Variants in RAB3GAP1 observed in about 807,000 individuals in gnomAD.
RAB3GAP1 encodes rab3 GTPase-activating protein catalytic subunit.
Under a neutral mutation model 130.7 loss-of-function variants are expected in RAB3GAP1, and 86 were observed. The ratio of observed to expected loss-of-function variants is 0.66; its 90% CI spans 0.55 to 0.79. The LOEUF is 0.79. RAB3GAP1 is among the 30% of genes least tolerant of loss of function. RAB3GAP1 has a pLI of 0.00. For missense variants in RAB3GAP1, 1,029 were observed against 1,169.4 expected, an observed-to-expected ratio of 0.88 and a Z score of 1.75; for synonymous variants, 367 against 401.7, an observed-to-expected ratio of 0.91 and a Z score of 1.03.
At chr2:135,155,557 G>A (rs1692287074) in intron 19 of RAB3GAP1, among the ~76,000 whole-genome samples, 1 of 152,104 alleles carries the variant, frequency 6.6e-6, no homozygotes, top group Admixed American at 6.5e-5. Context: ...TACTCACATA[G>A]ACCCAGATGG....
chr2:135,129,974 A>C (rs767565040), intron 11 of RAB3GAP1, 21 bp from the exon 12 acceptor site: 43 of 1,545,862 alleles, frequency 2.8e-5, no homozygotes, highest in Non-Finnish European at 3.3e-5. Context: ...AGTGTCAAAA[A>C]TAACTTTTTT....
chr2:135,103,612 T>C (rs1690513446), intron 5 of RAB3GAP1, among the ~76,000 whole-genome samples: 1 of 152,208 alleles, frequency 6.6e-6, no homozygotes, highest in Non-Finnish European at 1.5e-5. Context: ...TAGCTGTTTC[T>C]GTCACCTCCC....
intron 2 of RAB3GAP1, among the ~76,000 whole-genome samples, chr2:135,056,197 T>G (rs956922718): frequency 5.3e-5 from 8 of 151,806 alleles, no homozygotes; most frequent in Non-Finnish European, 2.9e-5. Context: ...TATTTCTTTT[T>G]CTTTTTCTTT....
chr2:135,092,483 C>T (rs1212799975), intron 4 of RAB3GAP1, among the ~76,000 whole-genome samples: 3 of 152,182 alleles, frequency 2.0e-5, no homozygotes, highest in Non-Finnish European at 2.9e-5. Flanking sequence ...GTTGTCCAGG[C>T]TGTAGGGCAA....
chr2:135,088,475 G>A (rs1222043703), intron 3 of RAB3GAP1, among the ~76,000 whole-genome samples: 1 of 151,784 alleles, frequency 6.6e-6, no homozygotes, highest in Non-Finnish European at 1.5e-5. Context: ...GATGACTTGA[G>A]GTCAGGAGTT....
At chr2:135,134,077 T>C (rs1417448422) in intron 15 of RAB3GAP1, 44 bp downstream of exon 15, 2 of 1,606,562 alleles carry the variant, frequency 1.2e-6, no homozygotes, top group African/African-American at 2.7e-5. Flanking sequence ...ATTTTGTTTG[T>C]TAGCAGACAT....
chr2:135,119,253 C>T (rs1691123151), intron 7 of RAB3GAP1, among the ~76,000 whole-genome samples: 1 of 152,004 alleles, frequency 6.6e-6, no homozygotes, highest in Non-Finnish European at 1.5e-5. Flanking sequence ...AGACTACAGG[C>T]GCGCACCACT....
Position 135,091,032 on chromosome 2 carries a change from C to T in RAB3GAP1, c.185C>T (p.Ser62Leu). Reference sequence around the variant, plus strand: ...ACTTCTGGCACATGGGAAGAGAAATCAGATGAAATTTCCTTTGCTGACTTC... The same window carrying T: ...ACTTCTGGCACATGGGAAGAGAAATTAGATGAAATTTCCTTTGCTGACTTC... ...IFTSGTWEEK[S>L]DEISFADFKF... The change falls in exon 4 of 24, where the codon TCA becomes TTA. Residue 62 changes from serine to leucine, a missense_variant. Physicochemically the swap from Ser to Leu is moderately radical, Grantham distance 145. Coordinates refer to ENST00000264158, the MANE Select transcript of RAB3GAP1 (RefSeq NM_012233.3). The T allele has an allele frequency of 1.2e-6, 2 of 1,612,416 alleles. No individual in the cohort carries two copies. The highest frequency in any genetic ancestry group is 1.7e-6 in the Non-Finnish European group (2 of 1,178,722).
At chr2:135,164,791 A>C in intron 23 of RAB3GAP1, 95 bp downstream of exon 23, 26 of 924,046 alleles carry the variant, frequency 2.8e-5, no homozygotes, top group Non-Finnish European at 4.1e-5. Flanking sequence ...GATCACACTC[A>C]TGTCACCTGA....
At chr2:135,095,389 G>T (rs1374360902) in intron 5 of RAB3GAP1, among the ~76,000 whole-genome samples, 1 of 152,200 alleles carries the variant, frequency 6.6e-6, no homozygotes, top group African/African-American at 2.4e-5. Flanking sequence ...AGGCCTGCTG[G>T]TTCATCTTTT....
chr2:135,086,572 AT>A (rs1052887200), intron 3 of RAB3GAP1, among the ~76,000 whole-genome samples: 13 of 124,360 alleles, frequency 1.0e-4, no homozygotes, highest in South Asian at 4.9e-4. Flanking sequence ...TGGATTGTTC[AT>A]TTTTTTTATT....
intron 2 of RAB3GAP1, among the ~76,000 whole-genome samples, chr2:135,054,788 A>G (rs944595583): frequency 5.3e-5 from 8 of 152,240 alleles, no homozygotes; most frequent in African/African-American, 1.4e-4. Context: ...TAACACCGTT[A>G]TAAGAACTAT....
In RAB3GAP1 at chr2:135,164,770, C is replaced by T. The variant is rs560055224; in HGVS notation, c.2709+74C>T. ...CTTGGGAAGAGGCTGTTTTAGTTCC[C>T]ACACGTGGCTGATCACACTCATGTC... On this transcript the variant is annotated intron_variant, in intron 23 of 23. Transcript: ENST00000264158. 1.3e-4 allele frequency: 160 copies of T among 1,203,462 alleles called. No homozygotes were observed. In the African/African-American group the frequency reaches 2.2e-3, roughly 17 times the overall value. 74.5% of individuals were successfully genotyped at this position (1,203,462 alleles called of 1,614,324 possible).
intron 17 of RAB3GAP1, among the ~76,000 whole-genome samples, chr2:135,145,709 A>G (rs2104969422): frequency 6.6e-6 from 1 of 152,338 alleles, no homozygotes; most frequent in East Asian, 1.9e-4. Context: ...CTAATTCAAA[A>G]TAAACACTTA....
intron 19 of RAB3GAP1, among the ~76,000 whole-genome samples, chr2:135,155,480 C>T (rs762562840): frequency 1.6e-4 from 24 of 152,082 alleles, no homozygotes; most frequent in Non-Finnish European, 2.9e-4. Flanking sequence ...TATGGCTTAA[C>T]AAAGAGGATA....
intron 5 of RAB3GAP1, among the ~76,000 whole-genome samples, chr2:135,106,771 A>AAAAAAAAAAAG (rs1690638111): frequency 6.6e-6 from 1 of 151,152 alleles, no homozygotes; most frequent in African/African-American, 2.4e-5. Context: ...AAAAAAATAA[A>AAAAAAAAAAAG]AAAATAAAAA....
At chr2:135,124,350 A>T in intron 9 of RAB3GAP1, 104 bp downstream of exon 9, 1 of 1,154,408 alleles carries the variant, frequency 8.7e-7, no homozygotes, top group South Asian at 1.3e-5. Context: ...TGCTGGGATG[A>T]ATGTAGTACT....
intron 3 of RAB3GAP1, among the ~76,000 whole-genome samples, chr2:135,066,693 A>G (rs1365907465): frequency 6.6e-6 from 1 of 152,196 alleles, no homozygotes; most frequent in Non-Finnish European, 1.5e-5. Context: ...GGGCTTTATA[A>G]AATAGATAAA....
chr2:135,126,779 C>G, intron 11 of RAB3GAP1, 123 bp downstream of exon 11: 1 of 835,642 alleles, frequency 1.2e-6, no homozygotes. Flanking sequence ...GGAAAAAAAT[C>G]ATTGCCAATA....
Sources: gnomAD v4.1 joint callset for allele counts (sites outside exome capture counted in the v4.1 genomes callset) on GRCh38, gnomAD v4.1.1 for gene constraint, MANE v1.5 for transcripts, NCBI Gene and HGNC (gene_info 2026-07-23, HGNC 2026-07-21) for gene names.